The following C7orf57 variants were observed in gnomAD, a reference collection of about 807,000 sequenced individuals.
C7orf57 encodes the protein uncharacterized protein C7orf57.
In C7orf57, 33 loss-of-function variants were observed where a neutral mutation model predicts 39.0. That is an observed-to-expected ratio of 0.85 (90% CI 0.64 to 1.13). C7orf57 has a LOEUF of 1.13. Among genes scored for constraint, C7orf57 ranks in the 50% most tolerant of loss-of-function variants. The probability of loss-of-function intolerance (pLI) is 0.00; values close to 1 mark genes in which losing one functional copy is unlikely to be tolerated. For missense variants in C7orf57, 346 were observed against 362.3 expected, an observed-to-expected ratio of 0.95 and a Z score of 0.37; for synonymous variants, 124 against 137.1, an observed-to-expected ratio of 0.90 and a Z score of 0.67.
intron 5 of C7orf57, 144 bp downstream of exon 5, chr7:48,046,760 C>A: frequency 1.2e-6 from 1 of 848,766 alleles, no homozygotes; most frequent in African/African-American, 1.7e-5. Context: ...AAGTTTGGAT[C>A]TACTAAAAGG....
intron 3 of C7orf57, among the ~76,000 whole-genome samples, chr7:48,043,002 T>C (rs1041664409): frequency 3.3e-4 from 50 of 152,244 alleles, no homozygotes; most frequent in African/African-American, 1.0e-3. Context: ...TCTGGAAACC[T>C]GGAGGTGTGG....
At chr7:48,045,418 C>G (rs922523181) in intron 4 of C7orf57, among the ~76,000 whole-genome samples, 4 of 152,106 alleles carry the variant, frequency 2.6e-5, no homozygotes, top group African/African-American at 9.7e-5. Flanking sequence ...CAGCCACACT[C>G]ATGGCTTCTC....
At chr7:48,050,081 C>T (rs555982697) in intron 6 of C7orf57, 104 bp downstream of exon 6, 52 of 765,756 alleles carry the variant, frequency 6.8e-5, no homozygotes, top group Admixed American at 6.0e-4. Flanking sequence ...CACACAACTT[C>T]CCGAAGCCCT....
At position 48,051,817 on chromosome 7, in the gene C7orf57, C is replaced by CTCTTTCTTTCTTTCTTTCTT. The variant is rs199558027; in HGVS notation, c.606-847_606-828dup. On this transcript the variant is annotated intron_variant, in intron 6 of 8. Coordinates refer to ENST00000348904, the MANE Select transcript of C7orf57 (RefSeq NM_001100159.3). ...TTCTTTCCTTCCTTCCTTTTCTCTT[C>CTCTTTCTTTCTTTCTTTCTT]TCTTTCTTTCTTTCTTTCTTTCTTT... Among the ~76,000 whole-genome samples, 45 of 51,174 alleles carry CTCTTTCTTTCTTTCTTTCTT rather than the reference C, an allele frequency of 8.8e-4. 2 individuals carry two copies. The highest frequency in any genetic ancestry group is 2.2e-3 in the East Asian group (5 of 2,238). 33.6% of individuals were successfully genotyped at this position (51,174 alleles called of 152,430 possible).
At chr7:48,055,661 T>C (rs1019127964) in intron 8 of C7orf57, among the ~76,000 whole-genome samples, 1 of 152,202 alleles carries the variant, frequency 6.6e-6, no homozygotes, top group African/African-American at 2.4e-5. Flanking sequence ...CACATTCTAT[T>C]CTACTTCTAT....
chr7:48,037,547 T>A (rs1790412798), intron 2 of C7orf57, among the ~76,000 whole-genome samples: 1 of 152,148 alleles, frequency 6.6e-6, no homozygotes, highest in Non-Finnish European at 1.5e-5. Context: ...AGCTGGGGGA[T>A]CTTCAGTTCA....
intron 4 of C7orf57, among the ~76,000 whole-genome samples, chr7:48,045,620 T>C (rs969513755): frequency 1.3e-5 from 2 of 152,182 alleles, no homozygotes. Flanking sequence ...TTTTTCAGCA[T>C]CCTGGAGCCC....
chr7:48,039,973 GGGCATCT>G (rs1790499961), intron 2 of C7orf57, among the ~76,000 whole-genome samples: 1 of 150,432 alleles, frequency 6.6e-6, no homozygotes. Context: ...TCTTACATTT[GGGCATCT>G]GGTTAATCAA....
In C7orf57 at chr7:48,035,590, G is replaced by T; in HGVS notation, c.-142G>T. On this transcript the variant is annotated 5_prime_UTR_variant, in exon 1 of 9. Transcript: ENST00000348904. The surrounding 1 kb of genome is among the most constrained non-coding windows in gnomAD (Gnocchi z 4.0). ...CCAGCCGTGTAAAAACTCCAACGCC[G>T]GGCGCCGCGGGCAGCACCCACGGAG... The T allele has an allele frequency of 1.4e-6, 1 of 695,190 alleles. No homozygotes were observed. The highest frequency in any genetic ancestry group is 2.6e-6 in the Non-Finnish European group (1 of 381,814). 43.1% of individuals were successfully genotyped at this position (695,190 alleles called of 1,614,324 possible). A position where few individuals can be genotyped will look rare whatever the true frequency, so the allele number is the denominator to read the frequency against.
chr7:48,054,316 A>AG (rs1791046177), intron 7 of C7orf57, among the ~76,000 whole-genome samples: 1 of 150,176 alleles, frequency 6.7e-6, no homozygotes, highest in East Asian at 2.0e-4. Flanking sequence ...CGGGAGGCTG[A>AG]GGCAGGAGAA....
chr7:48,051,863 CTT>C (rs1323188599), intron 6 of C7orf57, among the ~76,000 whole-genome samples: 5 of 55,546 alleles, frequency 9.0e-5, no homozygotes, highest in Non-Finnish European at 1.0e-4. Flanking sequence ...TTCTTTCTTT[CTT>C]TCTTTCTCTT....
intron 6 of C7orf57, among the ~76,000 whole-genome samples, chr7:48,052,055 C>G (rs1360829916): frequency 6.6e-6 from 1 of 150,734 alleles, no homozygotes; most frequent in Non-Finnish European, 1.5e-5. Context: ...CTCACTGCAA[C>G]CTCCGCCTCC....
chr7:48,035,549 G>T lies in C7orf57; in HGVS notation c.-183G>T. The T allele has an allele frequency of 1.4e-6, 1 of 698,426 alleles. No homozygotes were observed. The highest frequency in any genetic ancestry group is 1.5e-5 in the South Asian group (1 of 67,236). The allele number at this position is 698,426 out of a possible 1,614,324, so 43.3% of individuals were successfully genotyped here. On this transcript the variant is annotated 5_prime_UTR_variant, in exon 1 of 9. Transcript: ENST00000348904. This position sits in a 1 kb window ranked among gnomAD's most constrained non-coding sequence, Gnocchi z 4.0. ...CGCGGCGCGCTGGGAGTTTGGGTTT[G>T]GTTGGCTGCAGCCAGCCAGCCGTGT... is the stretch of plus-strand genomic sequence containing the variant.
At chr7:48,051,599 A>G (rs1353197599) in intron 6 of C7orf57, among the ~76,000 whole-genome samples, 3 of 150,482 alleles carry the variant, frequency 2.0e-5, no homozygotes, top group Admixed American at 6.6e-5. Flanking sequence ...CGGCCTCCCA[A>G]AGTGCTGGGA....
At position 48,049,695 on chromosome 7, in the gene C7orf57, C is replaced by G. The variant is rs373489962; in HGVS notation, c.508-185C>G. Among the ~76,000 whole-genome samples the G allele has an allele frequency of 4.6e-5, 7 of 151,998 alleles. No homozygotes were observed. In the East Asian group the frequency reaches 1.3e-3, roughly 29 times the overall value. ...AACTGCTTTTGAGTTAGTGATAGTC[C>G]CTTTTACATAACTATTTTGTTGAAT... On this transcript the variant is annotated intron_variant, in intron 5 of 8. Transcript: ENST00000348904.
Position 48,051,814 on chromosome 7 carries a change from CTT to C in C7orf57, c.606-885_606-884del, listed in dbSNP as rs1562629917. Among the ~76,000 whole-genome samples, 32 of 42,440 alleles carry C rather than the reference CTT, an allele frequency of 7.5e-4. 2 individuals carry two copies. Among genetic ancestry groups the C allele is most frequent in the African/African-American group, 3.7e-3 (32 of 8,536 alleles). 27.8% of individuals were successfully genotyped at this position (42,440 alleles called of 152,430 possible). On this transcript the variant is annotated intron_variant, in intron 6 of 8. Transcript: ENST00000348904. ...TCTTTCTTTCCTTCCTTCCTTTTCT[CTT>C]CTCTTTCTTTCTTTCTTTCTTTCTT...
chr7:48,041,548 G>A (rs878858329), intron 3 of C7orf57, 29 bp downstream of exon 3: 1 of 1,527,770 alleles, frequency 6.5e-7, no homozygotes, highest in Non-Finnish European at 8.8e-7. Flanking sequence ...TGTTCAGTGT[G>A]GCAGCCTCGC....
chr7:48,040,540 G>T (rs1790516252), intron 2 of C7orf57, among the ~76,000 whole-genome samples: 1 of 152,072 alleles, frequency 6.6e-6, no homozygotes, highest in Admixed American at 6.6e-5. Flanking sequence ...GCCCTCTTTG[G>T]CCTCAGGCAT....
rs573627346 is a variant in C7orf57, at chr7:48,046,615, A to G, written c.506A>G (p.Lys169Arg). 103 of 1,611,092 alleles carry G rather than the reference A, an allele frequency of 6.4e-5. 1 individual carries two copies. Among genetic ancestry groups the G allele is most frequent in the Admixed American group, 1.3e-4 (8 of 59,530 alleles). Residue 169 changes from lysine to arginine, a missense_variant and splice_region_variant, in exon 5 of 9, where the codon AAG (lysine) becomes AGG (arginine). Coordinates refer to ENST00000348904, the MANE Select transcript of C7orf57 (RefSeq NM_001100159.3). Reference protein sequence around the residue: ...EAEELEKEKKKLRLPAIDSKY... With the variant: ...EAEELEKEKKRLRLPAIDSKY... ...GAGGAACTTGAAAAGGAGAAAAAAAAGGTGACGGGAGCCCATAAATAGACG... is the reference window on the plus strand; with the variant it reads ...GAGGAACTTGAAAAGGAGAAAAAAAGGGTGACGGGAGCCCATAAATAGACG...
Sources: gnomAD v4.1 joint callset for allele counts (sites outside exome capture counted in the v4.1 genomes callset) on GRCh38, gnomAD v4.1.1 for gene constraint, Gnocchi (gnomAD v3.1) non-coding constraint, MANE v1.5 for transcripts, NCBI Gene and HGNC (gene_info 2026-07-23, HGNC 2026-07-21) for gene names.